The following TENT5D variants were observed in gnomAD, a reference collection of about 807,000 sequenced individuals.
The protein encoded by TENT5D is terminal nucleotidyltransferase 5D.
For synonymous variants in TENT5D, 103 were observed against 100.6 expected (o/e 1.02, Z -0.15); for missense variants, 191 against 287.0 (o/e 0.67, Z 2.42).
intron 2 of TENT5D, among the ~76,000 whole-genome samples, chrX:80,337,691 T>C (rs1929878392): frequency 8.9e-6 from 1 of 112,299 alleles, no homozygotes; most frequent in Admixed American, 9.4e-5. Context: ...TAGGATGAAA[T>C]CTGGATATGC....
At chrX:80,398,392 C>G (rs1051136862) in intron 3 of TENT5D, among the ~76,000 whole-genome samples, 7 of 111,782 alleles carry the variant, frequency 6.3e-5, no homozygotes, top group African/African-American at 2.3e-4. Context: ...CTTTGCTGTG[C>G]AGAAGTTTTT....
At chrX:80,421,430 A>G (rs1415736401) in intron 1 of TENT5D, among the ~76,000 whole-genome samples, 3 of 110,928 alleles carry the variant, frequency 2.7e-5, no homozygotes, top group Non-Finnish European at 5.7e-5. Context: ...CTCGTGATCT[A>G]CCCGCCTCGG....
At chrX:80,365,746 C>G (rs979911696) in intron 3 of TENT5D, among the ~76,000 whole-genome samples, 1 of 108,775 alleles carries the variant, frequency 9.2e-6, no homozygotes, top group Non-Finnish European at 1.9e-5. Flanking sequence ...GAGGCTGAGG[C>G]AGGAGAATTA....
chrX:80,382,011 G>T (rs1338764259), intron 3 of TENT5D, among the ~76,000 whole-genome samples: 1 of 112,180 alleles, frequency 8.9e-6, no homozygotes, highest in Non-Finnish European at 1.9e-5. Context: ...CTGGCGAGGA[G>T]CTGCAATCCT....
At chrX:80,351,630 C>T (rs757416498) in intron 3 of TENT5D, among the ~76,000 whole-genome samples, 1 of 110,295 alleles carries the variant, frequency 9.1e-6, no homozygotes, top group East Asian at 2.9e-4. Flanking sequence ...TATTACCCAA[C>T]TTCTGAAGCC....
intron 3 of TENT5D, among the ~76,000 whole-genome samples, chrX:80,358,698 G>T (rs923297396): frequency 5.4e-5 from 6 of 111,648 alleles, no homozygotes; most frequent in Non-Finnish European, 9.4e-5. Context: ...CACATTTTTG[G>T]ATACATTCTG....
chrX:80,368,493 C>T (rs1315477779), intron 3 of TENT5D, among the ~76,000 whole-genome samples: 1 of 111,736 alleles, frequency 8.9e-6, no homozygotes, highest in African/African-American at 3.2e-5. Flanking sequence ...TTCTATTCAT[C>T]TTTTATCTTG....
At chrX:80,346,327 C>T (rs1257867406) in intron 3 of TENT5D, among the ~76,000 whole-genome samples, 1 of 112,286 alleles carries the variant, frequency 8.9e-6, no homozygotes, top group Non-Finnish European at 1.9e-5. Flanking sequence ...ACAAATATAA[C>T]TGCTGTGTAT....
At chrX:80,443,104 G>T in exon 3 of TENT5D, 1 of 1,211,037 alleles carries the variant, frequency 8.3e-7, no homozygotes, top group Non-Finnish European at 1.1e-6. Flanking sequence ...CTTCTACAGT[G>T]ACAAAAATGC....
Position 80,367,544 on chromosome X carries a change from A to G in TENT5D, c.-142+24980A>G, listed in dbSNP as rs1483442082. 1.2e-4 allele frequency among the ~76,000 whole-genome samples: 13 copies of G among 111,725 alleles called. No homozygotes were observed. In the Admixed American group the frequency reaches 1.2e-3, roughly 11 times the overall value. The stretch of plus-strand genomic sequence containing the variant: ...ATACAGAAGGGATATCTATACTCCC[A>G]TGTTTGTTGTAGCACTGTTCACAAT... On this transcript the variant is annotated intron_variant, in intron 3 of 4. Coordinates refer to the TENT5D transcript ENST00000538312.
intron 3 of TENT5D, among the ~76,000 whole-genome samples, chrX:80,414,464 C>T (rs761156673): frequency 5.4e-5 from 6 of 111,723 alleles, no homozygotes; most frequent in East Asian, 5.6e-4. Context: ...AGGACGTGCC[C>T]GCAACAGCCT....
chrX:80,377,006 T>C (rs761708244), intron 3 of TENT5D, among the ~76,000 whole-genome samples: 5 of 110,946 alleles, frequency 4.5e-5, no homozygotes, highest in Non-Finnish European at 7.6e-5. Flanking sequence ...GGGGTCACTT[T>C]GATTATTTCC....
intron 3 of TENT5D, among the ~76,000 whole-genome samples, chrX:80,389,698 C>T (rs977721526): frequency 1.5e-4 from 17 of 112,157 alleles, no homozygotes; most frequent in African/African-American, 5.5e-4. Context: ...GCTGCTAATA[C>T]GTCCAGTAAT....
chrX:80,369,587 TTG>T (rs2147525632), intron 3 of TENT5D, among the ~76,000 whole-genome samples: 1 of 112,394 alleles, frequency 8.9e-6, no homozygotes, highest in South Asian at 3.6e-4. Context: ...GCTAATATTA[TTG>T]TTACCTAGAG....
chrX:80,416,234 C>A (rs1399764121), upstream of TENT5D, among the ~76,000 whole-genome samples: 2 of 104,700 alleles, frequency 1.9e-5, no homozygotes, highest in African/African-American at 3.5e-5. Context: ...TTCAAAGAAC[C>A]AACTCCTGGC....
intron 3 of TENT5D, among the ~76,000 whole-genome samples, chrX:80,396,904 T>C (rs1354007926): frequency 4.6e-5 from 4 of 86,635 alleles, no homozygotes; most frequent in South Asian, 6.6e-4. Flanking sequence ...GGCGGGGGGC[T>C]GACCCCCCCA....
intron 3 of TENT5D, among the ~76,000 whole-genome samples, chrX:80,378,424 G>A (rs1166582358): frequency 9.0e-6 from 1 of 111,708 alleles, no homozygotes; most frequent in Non-Finnish European, 1.9e-5. Context: ...TAAGGGGTAA[G>A]GAAGGGATAC....
At chrX:80,411,611 AC>A (rs1931668675) in intron 3 of TENT5D, among the ~76,000 whole-genome samples, 1 of 112,164 alleles carries the variant, frequency 8.9e-6, no homozygotes, top group Non-Finnish European at 1.9e-5. Flanking sequence ...CTTTTAAATA[AC>A]CTTTGAATTA....
At chrX:80,383,933 A>G (rs1478567777) in intron 3 of TENT5D, among the ~76,000 whole-genome samples, 1 of 111,219 alleles carries the variant, frequency 9.0e-6, no homozygotes, top group East Asian at 2.8e-4. Context: ...TAGCTTACCA[A>G]CCAAAAAAAG....
Sources: gnomAD v4.1 joint callset for allele counts (sites outside exome capture counted in the v4.1 genomes callset) on GRCh38, gnomAD v4.1.1 for gene constraint, MANE v1.5 for transcripts, NCBI Gene and HGNC (gene_info 2026-07-23, HGNC 2026-07-21) for gene names.